CATSPERE: variants seen among roughly 807,000 people sequenced by gnomAD.
CATSPERE encodes catsper channel auxiliary subunit epsilon, also known as cation channel sperm-associated auxiliary subunit epsilon.
A neutral mutation model predicts 114.1 loss-of-function variants in CATSPERE; 93 were observed. The observed-to-expected ratio is 0.81, with a 90% confidence interval of 0.69 to 0.97. The LOEUF (loss-of-function observed/expected upper bound fraction) is 0.97, where lower values mean the gene tolerates loss of function less well. Ranked by LOEUF, CATSPERE falls within the 50% of genes least tolerant of loss-of-function variation. The pLI, the probability that CATSPERE is intolerant of heterozygous loss-of-function variation, is 0.00. For synonymous variants in CATSPERE, 341 were observed against 384.1 expected (o/e 0.89, Z 1.31); for missense variants, 1,058 against 1,131.6 (o/e 0.93, Z 0.93).
chr1:244,459,062 A>G (rs1255364891), upstream of CATSPERE, among the ~76,000 whole-genome samples: 1 of 148,170 alleles, frequency 6.7e-6, no homozygotes, highest in Non-Finnish European at 1.5e-5. Context: ...ACTCATAGGT[A>G]TTTGAGGCTG....
At chr1:244,596,244 C>A (rs1668404360) in intron 17 of CATSPERE, among the ~76,000 whole-genome samples, 1 of 152,112 alleles carries the variant, frequency 6.6e-6, no homozygotes, top group Non-Finnish European at 1.5e-5. Flanking sequence ...CCAGAAAGTC[C>A]CTTCCCCCCT....
intron 20 of CATSPERE, among the ~76,000 whole-genome samples, chr1:244,630,418 G>C (rs750833040): frequency 6.6e-6 from 1 of 152,186 alleles, no homozygotes; most frequent in Admixed American, 6.5e-5. Flanking sequence ...TAGTGGTGTG[G>C]GGAGGAGGGA....
At chr1:244,617,753 A>T (rs1377727082) in intron 20 of CATSPERE, 67 bp downstream of exon 20, 1 of 1,281,384 alleles carries the variant, frequency 7.8e-7, no homozygotes, top group Non-Finnish European at 1.1e-6. Context: ...TTTTAATTTG[A>T]TGCATCCTAT....
chr1:244,507,234 T>C (rs1674962664), intron 7 of CATSPERE, among the ~76,000 whole-genome samples: 1 of 152,240 alleles, frequency 6.6e-6, no homozygotes, highest in Non-Finnish European at 1.5e-5. Flanking sequence ...CAGGTATCCC[T>C]TTGACATCCT....
intron 5 of CATSPERE, among the ~76,000 whole-genome samples, chr1:244,486,942 G>C (rs1309547184): frequency 5.0e-5 from 7 of 139,484 alleles, no homozygotes; most frequent in South Asian, 4.7e-4. Context: ...TAGTCACCTG[G>C]TGGGTGGTCC....
At chr1:244,536,797 A>G (rs1680454282) in intron 8 of CATSPERE, among the ~76,000 whole-genome samples, 1 of 152,188 alleles carries the variant, frequency 6.6e-6, no homozygotes, top group Non-Finnish European at 1.5e-5. Context: ...TCATGTTCCT[A>G]TGGAGAAGAA....
intron 21 of CATSPERE, among the ~76,000 whole-genome samples, chr1:244,637,500 C>A (rs1032050425): frequency 6.6e-6 from 1 of 152,154 alleles, no homozygotes; most frequent in African/African-American, 2.4e-5. Context: ...ATCCAGACAT[C>A]CCATTCTCTG....
In CATSPERE at chr1:244,462,240, T is replaced by TG. The variant is rs1294445967; in HGVS notation, c.65+746_65+747insG. 5.9e-5 allele frequency among the ~76,000 whole-genome samples: 9 copies of TG among 152,290 alleles called. 1 individual carries two copies. The highest frequency in any genetic ancestry group is 1.3e-4 in the Non-Finnish European group (9 of 68,024). ...TAACAGTGCCCTTTTCATTAAAAAA[T>TG]AGCACATGTCCATCTGCACACCCCA... On this transcript the variant is annotated intron_variant, in intron 1 of 21. Coordinates refer to ENST00000366534, the MANE Select transcript of CATSPERE (RefSeq NM_001130957.2).
chr1:244,576,515 T>C (rs1665287560), intron 11 of CATSPERE, among the ~76,000 whole-genome samples: 1 of 150,928 alleles, frequency 6.6e-6, no homozygotes, highest in African/African-American at 2.4e-5. Context: ...TACAATTGCC[T>C]TGCTGAGAAA....
At chr1:244,535,089 C>T (rs577362293) in intron 8 of CATSPERE, among the ~76,000 whole-genome samples, 1 of 152,202 alleles carries the variant, frequency 6.6e-6, no homozygotes, top group African/African-American at 2.4e-5. Context: ...GTTCTCTTCT[C>T]TTACTTTCTG....
intron 14 of CATSPERE, among the ~76,000 whole-genome samples, chr1:244,590,101 A>ATCTATCTAAAAATGGTGGTGACAAGGGT (rs1667531658): frequency 6.6e-6 from 1 of 152,122 alleles, no homozygotes; most frequent in Admixed American, 6.6e-5. Flanking sequence ...GACTTCCAAT[A>ATCTATCTAAAAATGGTGGTGACAAGGGT]TCTATCTAAA....
intron 7 of CATSPERE, among the ~76,000 whole-genome samples, chr1:244,506,212 A>G (rs1674792795): frequency 1.3e-5 from 2 of 152,216 alleles, no homozygotes; most frequent in Non-Finnish European, 2.9e-5. Context: ...AGCATGTTTC[A>G]GAATTTCTTC....
chr1:244,524,247 C>T (rs1678130783), intron 8 of CATSPERE, among the ~76,000 whole-genome samples: 2 of 149,056 alleles, frequency 1.3e-5, no homozygotes, highest in South Asian at 2.1e-4. Flanking sequence ...AAAGGATTTC[C>T]TATTTAATAA....
At chr1:244,609,017 C>G (rs1418156226) in intron 18 of CATSPERE, among the ~76,000 whole-genome samples, 7 of 151,980 alleles carry the variant, frequency 4.6e-5, no homozygotes, top group Admixed American at 1.3e-4. Flanking sequence ...GAAACCCTGT[C>G]TCTACTAAAA....
At chr1:244,470,061 G>C (rs1668233102) in intron 2 of CATSPERE, among the ~76,000 whole-genome samples, 1 of 152,052 alleles carries the variant, frequency 6.6e-6, no homozygotes. Flanking sequence ...ATGGATCAAA[G>C]ACCTAAATGT....
In CATSPERE at chr1:244,572,632, G is replaced by T; in HGVS notation, c.1810G>T (p.Ala604Ser). 1 of 1,614,028 alleles carries T rather than the reference G, an allele frequency of 6.2e-7. No homozygotes were observed. Among genetic ancestry groups the T allele is most frequent in the Non-Finnish European group, 8.5e-7 (1 of 1,179,986 alleles). ...HVFYFLDKGEALTVWTQIVYP... is the reference protein window; with the variant it reads ...HVFYFLDKGESLTVWTQIVYP... ...TTTTTACTTTTTGGACAAGGGAGAG[G>T]CTCTGACAGTTTGGACTCAGATCGT... Residue 604 changes from alanine (A) to serine (S), a missense_variant, in exon 11 of 22, where the codon GCT becomes TCT. Physicochemically the swap from Ala to Ser is moderately conservative, Grantham distance 99. Around this residue, in one of 2 missense-constraint regions of CATSPERE, gnomAD observed 787 missense variants for 905.6 expected, o/e 0.87. Transcript: ENST00000366534.
intron 5 of CATSPERE, among the ~76,000 whole-genome samples, chr1:244,487,676 A>C (rs1671319156): frequency 6.6e-6 from 1 of 152,136 alleles, no homozygotes; most frequent in Non-Finnish European, 1.5e-5. Flanking sequence ...GGTCAAAGAC[A>C]GAAGCAGCTT....
intron 10 of CATSPERE, among the ~76,000 whole-genome samples, chr1:244,571,927 T>G (rs1374990661): frequency 6.6e-6 from 1 of 152,140 alleles, no homozygotes; most frequent in African/African-American, 2.4e-5. Context: ...AATTACCTCC[T>G]AAAGGCCCTG....
At position 244,554,583 on chromosome 1, in the gene CATSPERE, A is replaced by G. The variant is rs111638392; in HGVS notation, c.1029+1769A>G. On this transcript the variant is annotated intron_variant, in intron 9 of 21. Transcript: ENST00000366534. ...ACAATAATAGCCATTCAACAGGGTA[A>G]AATGATATCTCATTGTGGTTTTGAT... 8.9e-4 allele frequency among the ~76,000 whole-genome samples: 135 copies of G among 152,352 alleles called. 1 individual carries two copies. Among genetic ancestry groups the G allele is most frequent in the African/African-American group, 3.0e-3 (125 of 41,564 alleles).
Sources: gnomAD v4.1 joint callset for allele counts (sites outside exome capture counted in the v4.1 genomes callset) on GRCh38, gnomAD v4.1.1 for gene constraint, gnomAD v4.1.1 regional missense constraint, MANE v1.5 for transcripts, NCBI Gene and HGNC (gene_info 2026-07-23, HGNC 2026-07-21) for gene names.